The following ZNF654 variants were observed in gnomAD, a reference collection of about 807,000 sequenced individuals.
ZNF654 encodes the protein zinc finger protein 654.
In ZNF654, 19 loss-of-function variants were observed where a neutral mutation model predicts 95.3. That is an observed-to-expected ratio of 0.20 (90% CI 0.14 to 0.29). The LOEUF (loss-of-function observed/expected upper bound fraction) is 0.29, where lower values mean the gene tolerates loss of function less well. ZNF654 is among the 10% of genes least tolerant of loss of function. The pLI is 1.00. For synonymous variants in ZNF654, 413 were observed against 457.9 expected (o/e 0.90, Z 1.25); for missense variants, 1,046 against 1,341.0 (o/e 0.78, Z 3.44).
At chr3:88,077,204 GAATTTTTGTTGTTT>G (rs1707853054) in intron 1 of ZNF654, among the ~76,000 whole-genome samples, 1 of 152,094 alleles carries the variant, frequency 6.6e-6, no homozygotes, top group African/African-American at 2.4e-5. Context: ...GATTGTGAAT[GAATTTTTGTTGTTT>G]AGCCTTCTCA....
chr3:88,115,223 C>T (rs1052526160), intron 3 of ZNF654, among the ~76,000 whole-genome samples: 4 of 152,112 alleles, frequency 2.6e-5, no homozygotes, highest in African/African-American at 9.7e-5. Flanking sequence ...GCTGCTAGTC[C>T]CTGAACCACA....
chr3:88,141,178 C>T, intron 8 of ZNF654, 130 bp downstream of exon 8: 1 of 1,064,552 alleles, frequency 9.4e-7, no homozygotes, highest in Non-Finnish European at 1.3e-6. Flanking sequence ...TTACTCCATA[C>T]ATTATTTCCT....
intron 7 of ZNF654, chr3:88,135,414 C>T (rs747106725): frequency 1.7e-5 from 6 of 352,392 alleles, no homozygotes; most frequent in Non-Finnish European, 2.5e-5. Flanking sequence ...AACATGGAAG[C>T]AATTGCTTCC....
At chr3:88,064,179 T>A (rs1341396541) in intron 1 of ZNF654, among the ~76,000 whole-genome samples, 1 of 152,082 alleles carries the variant, frequency 6.6e-6, no homozygotes, top group East Asian at 1.9e-4. Flanking sequence ...CTTTCCTACT[T>A]CTTATTCTCC....
In ZNF654 at chr3:88,142,579, G is replaced by T. The variant is rs1388421771; in HGVS notation, c.*927G>T. On this transcript the variant is annotated 3_prime_UTR_variant, in exon 9 of 9. Transcript: ENST00000636215. ...GACATTGCTTGATGATTCATAGTAA[G>T]GTCCTTTAGACATTAATGTGAGTTA... 6.6e-6 allele frequency: 1 copy of T among 152,262 alleles called. No individual in the cohort carries two copies. Among genetic ancestry groups the T allele is most frequent in the African/African-American group, 2.4e-5 (1 of 41,380 alleles). 9.4% of individuals were successfully genotyped at this position (152,262 alleles called of 1,614,324 possible). A position where few individuals can be genotyped will look rare whatever the true frequency, so the allele number is the denominator to read the frequency against.
In ZNF654 at chr3:88,059,408, T is replaced by A. The variant is rs1289029734; in HGVS notation, c.89T>A (p.Leu30His). The change falls in exon 1 of 9, where the codon CTT becomes CAT. Residue 30 changes from leucine to histidine, a missense_variant. By Grantham distance (99) the Leu-to-His change is moderately conservative. This residue lies in a region of ZNF654 where 89 missense variants were observed against 77.9 expected (regional missense o/e 1.14). Transcript: ENST00000636215. ...GAGTCCCCGCTGGGCCCTGTGGGGC[T>A]TAGAGCTGCGGGCGACGGCAGAGGC... The part of the protein sequence containing the change: ...IVESPLGPVG[L>H]RAAGDGRGGA... 1.3e-6 allele frequency: 2 copies of A among 1,531,370 alleles called. No individual in the cohort carries two copies. Among genetic ancestry groups the A allele is most frequent in the South Asian group, 1.2e-5 (1 of 83,748 alleles). The allele number at this position is 1,531,370 out of a possible 1,614,324, so 94.9% of individuals were successfully genotyped here.
At chr3:88,108,801 G>A (rs1704902901) in intron 2 of ZNF654, among the ~76,000 whole-genome samples, 1 of 151,650 alleles carries the variant, frequency 6.6e-6, no homozygotes, top group Admixed American at 6.6e-5. Flanking sequence ...AAGTGCTTCA[G>A]TTGAAAAGGT....
At chr3:88,096,439 G>A (rs1375034512) in intron 2 of ZNF654, among the ~76,000 whole-genome samples, 1 of 152,104 alleles carries the variant, frequency 6.6e-6, no homozygotes, top group East Asian at 1.9e-4. Flanking sequence ...AGGGGAGAAA[G>A]ACCCTCATTT....
At position 88,128,961 on chromosome 3, in the gene ZNF654, C is replaced by A. The variant is rs1295565532; in HGVS notation, c.703C>A (p.Leu235Ile). The A allele has an allele frequency of 6.5e-7, 1 of 1,535,192 alleles. No homozygotes were observed. Among genetic ancestry groups the A allele is most frequent in the African/African-American group, 1.4e-5 (1 of 72,942 alleles). ...TAAAGACTTATACTTCCATCAAGCACTCTTCACATGTCTGTTTATGTCACC... is the reference window on the plus strand; with the variant it reads ...TAAAGACTTATACTTCCATCAAGCAATCTTCACATGTCTGTTTATGTCACC... ...ISKDLYFHQA[L>I]FTCLFMSPVE... The change falls in exon 5 of 9, where the codon CTC (leucine) becomes ATC (isoleucine). Residue 235 changes from leucine (L) to isoleucine (I), a missense_variant. Leu to Ile is a conservative substitution (Grantham distance 5). Transcript: ENST00000636215.
At chr3:88,135,320 C>T (rs1261075826) in intron 7 of ZNF654, 118 bp downstream of exon 7, 3 of 767,232 alleles carry the variant, frequency 3.9e-6, no homozygotes, top group Non-Finnish European at 3.7e-6. Flanking sequence ...GATTTTAAGG[C>T]CACATTCTCC....
chr3:88,129,046 T>G, intron 5 of ZNF654, 35 bp downstream of exon 5: 1 of 1,457,288 alleles, frequency 6.9e-7, no homozygotes, highest in Non-Finnish European at 9.1e-7. Context: ...TATTACCATT[T>G]TAACCCTACC....
intron 2 of ZNF654, among the ~76,000 whole-genome samples, chr3:88,101,971 A>T (rs1398938502): frequency 1.3e-5 from 2 of 151,656 alleles, no homozygotes; most frequent in Non-Finnish European, 2.9e-5. Flanking sequence ...AATCTATCAA[A>T]TTTTTTTGCC....
chr3:88,111,634 TA>T (rs1286079928), intron 2 of ZNF654, among the ~76,000 whole-genome samples: 6 of 152,022 alleles, frequency 3.9e-5, no homozygotes, highest in Non-Finnish European at 8.8e-5. Flanking sequence ...TTTGCTTCTA[TA>T]AACCATTTGT....
chr3:88,108,102 A>G (rs976653520), intron 2 of ZNF654, among the ~76,000 whole-genome samples: 1 of 152,104 alleles, frequency 6.6e-6, no homozygotes, highest in Non-Finnish European at 1.5e-5. Context: ...AGATATTACT[A>G]GCTTGGGACC....
At chr3:88,129,413 TTTC>T (rs1245154097) in intron 5 of ZNF654, among the ~76,000 whole-genome samples, 2 of 151,810 alleles carry the variant, frequency 1.3e-5, no homozygotes, top group Non-Finnish European at 2.9e-5. Flanking sequence ...GTTTATTTTG[TTTC>T]TTAAGGTGAA....
rs1464469108 is a variant in ZNF654 at position 88,142,611 on chromosome 3, T to C, written c.*959T>C. 4.6e-5 allele frequency: 7 copies of C among 152,436 alleles called. No individual in the cohort carries two copies. Among genetic ancestry groups the C allele is most frequent in the Non-Finnish European group, 8.8e-5 (6 of 67,866 alleles). The allele number at this position is 152,436 out of a possible 1,614,324, so 9.4% of individuals were successfully genotyped here. A position where few individuals can be genotyped will look rare whatever the true frequency, so the allele number is the denominator to read the frequency against. ...TAGACATTAATGTGAGTTATCTAAG[T>C]ACAGTCCTATTAAAATAACTGGCTC... is the stretch of plus-strand genomic sequence containing the variant. On this transcript the variant is annotated 3_prime_UTR_variant, in exon 9 of 9. Coordinates refer to ENST00000636215, the MANE Select transcript of ZNF654 (RefSeq NM_001350134.2).
intron 3 of ZNF654, among the ~76,000 whole-genome samples, chr3:88,125,175 AC>A (rs1453033342): frequency 6.6e-6 from 1 of 151,772 alleles, no homozygotes; most frequent in Non-Finnish European, 1.5e-5. Flanking sequence ...AGATCGTGCC[AC>A]TGCACTCCAG....
rs1432653645 is a variant in ZNF654 at position 88,139,343 on chromosome 3, C to T, written c.1674C>T (p.His558=). The part of the protein sequence containing the change: ...MLCNKEFLGG[H]IVRHAQAHQK... ...GTAACAAGGAATTTTTAGGTGGTCA[C>T]ATTGTAAGGCATGCCCAGGCTCATC... is the stretch of plus-strand genomic sequence containing the variant. Residue 558 remains histidine, a synonymous_variant, in exon 8 of 9, where the codon CAC becomes CAT. Coordinates refer to ENST00000636215, the MANE Select transcript of ZNF654 (RefSeq NM_001350134.2). 1.9e-6 allele frequency: 3 copies of T among 1,609,924 alleles called. No homozygotes were observed. In the African/African-American group the frequency reaches 4.0e-5, roughly 22 times the overall value.
intron 3 of ZNF654, among the ~76,000 whole-genome samples, chr3:88,123,714 C>T (rs1318089781): frequency 6.6e-6 from 1 of 152,164 alleles, no homozygotes; most frequent in Non-Finnish European, 1.5e-5. Flanking sequence ...TGATGCCTCA[C>T]CTATCCTTAG....
Sources: allele counts gnomAD v4.1 joint callset (sites outside exome capture counted in the v4.1 genomes callset), GRCh38; gene constraint gnomAD v4.1.1; regional missense constraint gnomAD v4.1.1; transcripts MANE v1.5; gene names NCBI Gene and HGNC (gene_info 2026-07-23, HGNC 2026-07-21).